Variants in WDR70 observed in about 807,000 individuals in gnomAD.
WDR70 encodes the protein WD repeat domain 70.
Under a neutral mutation model 88.6 loss-of-function variants are expected in WDR70, and 53 were observed. The ratio of observed to expected loss-of-function variants is 0.60; its 90% CI spans 0.48 to 0.75. The LOEUF (loss-of-function observed/expected upper bound fraction) is 0.75, where lower values mean the gene tolerates loss of function less well. WDR70 is among the 30% of genes least tolerant of loss of function. The probability of loss-of-function intolerance (pLI) is 0.00; values close to 1 mark genes in which losing one functional copy is unlikely to be tolerated. For missense variants in WDR70, 610 were observed against 823.2 expected (o/e 0.74, Z 3.17); for synonymous variants, 280 against 270.0 (o/e 1.04, Z -0.36).
chr5:37,609,378 C>A (rs1370036885), intron 10 of WDR70, among the ~76,000 whole-genome samples: 1 of 152,154 alleles, frequency 6.6e-6, no homozygotes, highest in Admixed American at 6.5e-5. Context: ...CAGATTTATT[C>A]TTTGACTTTG....
chr5:37,663,708 A>G (rs904297435), intron 10 of WDR70, among the ~76,000 whole-genome samples: 1 of 152,054 alleles, frequency 6.6e-6, no homozygotes, highest in African/African-American at 2.4e-5. Context: ...GTGCCCTTGT[A>G]TGTATCTCTG....
At chr5:37,563,464 G>A (rs1742603219) in intron 9 of WDR70, among the ~76,000 whole-genome samples, 1 of 58,612 alleles carries the variant, frequency 1.7e-5, no homozygotes, top group Non-Finnish European at 4.2e-5. Flanking sequence ...CGGGGCGGCT[G>A]GCCGGGCAGA....
intron 10 of WDR70, among the ~76,000 whole-genome samples, chr5:37,671,625 G>T (rs1561061518): frequency 6.6e-6 from 1 of 152,068 alleles, no homozygotes; most frequent in African/African-American, 2.4e-5. Flanking sequence ...CTTTGAAATA[G>T]TTTTTTCCAC....
intron 13 of WDR70, among the ~76,000 whole-genome samples, chr5:37,704,052 CT>C (rs1747247480): frequency 6.6e-6 from 1 of 152,072 alleles, no homozygotes; most frequent in East Asian, 1.9e-4. Flanking sequence ...ACTATGAAGT[CT>C]TAATTTGCGG....
rs183227806 is a variant in WDR70 at position 37,594,991 on chromosome 5, T to G, written c.918-10073T>G. On this transcript the variant is annotated intron_variant, in intron 9 of 17. Transcript: ENST00000265107. ...CTTGTGATTTTTGCACATTGATTTTTTATCCTGAGACTTTGCTGAAGTTGC... is the reference window on the plus strand; with the variant it reads ...CTTGTGATTTTTGCACATTGATTTTGTATCCTGAGACTTTGCTGAAGTTGC... Among the ~76,000 whole-genome samples the G allele has an allele frequency of 1.7e-3, 255 of 152,256 alleles. 1 individual carries two copies. The highest frequency in any genetic ancestry group is 5.8e-3 in the African/African-American group (240 of 41,552).
At chr5:37,720,307 G>T (rs997431766) in intron 13 of WDR70, among the ~76,000 whole-genome samples, 5 of 151,932 alleles carry the variant, frequency 3.3e-5, no homozygotes, top group African/African-American at 1.2e-4. Flanking sequence ...CTAGTACATG[G>T]GGTTTCTGTT....
chr5:37,492,173 A>T (rs1241908855), intron 8 of WDR70, among the ~76,000 whole-genome samples: 1 of 152,194 alleles, frequency 6.6e-6, no homozygotes, highest in Non-Finnish European at 1.5e-5. Flanking sequence ...AGGGAGATAA[A>T]CCAATCCAAA....
intron 7 of WDR70, 24 bp from the exon 8 acceptor site, chr5:37,479,810 A>G: frequency 6.3e-7 from 1 of 1,598,212 alleles, no homozygotes; most frequent in Non-Finnish European, 8.5e-7. Flanking sequence ...GTATCTTACC[A>G]ACTTTCCTTT....
At chr5:37,678,019 T>C (rs1435967775) in intron 10 of WDR70, among the ~76,000 whole-genome samples, 1 of 152,190 alleles carries the variant, frequency 6.6e-6, no homozygotes, top group African/African-American at 2.4e-5. Context: ...CTTTGTTGGT[T>C]TAATGTCTGT....
intron 5 of WDR70, among the ~76,000 whole-genome samples, chr5:37,401,727 G>A (rs1749201278): frequency 6.6e-6 from 1 of 152,106 alleles, no homozygotes. Context: ...CAAAGTGTTG[G>A]TATTACAGAC....
intron 10 of WDR70, among the ~76,000 whole-genome samples, chr5:37,675,662 T>TA (rs1746182023): frequency 6.6e-6 from 1 of 152,170 alleles, no homozygotes; most frequent in Non-Finnish European, 1.5e-5. Context: ...TGAAGTCAGG[T>TA]AGCGTGATGC....
At chr5:37,552,543 T>G (rs969936442) in intron 9 of WDR70, among the ~76,000 whole-genome samples, 1 of 152,206 alleles carries the variant, frequency 6.6e-6, no homozygotes, top group African/African-American at 2.4e-5. Context: ...GTGGATAGCA[T>G]AAAAGTAGTT....
At chr5:37,686,098 G>A (rs938913390) in intron 10 of WDR70, among the ~76,000 whole-genome samples, 2 of 152,000 alleles carry the variant, frequency 1.3e-5, no homozygotes, top group Admixed American at 6.6e-5. Context: ...GAGCCCAGGA[G>A]TTCATGACCA....
intron 11 of WDR70, chr5:37,700,560 C>T (rs1747127104): frequency 6.6e-6 from 1 of 152,660 alleles, no homozygotes; most frequent in Non-Finnish European, 1.5e-5. Context: ...AATCACATGG[C>T]TCACCCTTAT....
At chr5:37,395,005 G>A (rs866931024) in intron 4 of WDR70, among the ~76,000 whole-genome samples, 11 of 152,288 alleles carry the variant, frequency 7.2e-5, no homozygotes, top group Middle Eastern at 3.4e-3. Context: ...TGTTATAGGT[G>A]AAGCATTTTT....
chr5:37,664,623 C>A (rs1351702106), intron 10 of WDR70, among the ~76,000 whole-genome samples: 4 of 152,270 alleles, frequency 2.6e-5, no homozygotes, highest in East Asian at 3.9e-4. Context: ...TTTTACTATA[C>A]AGTTTATGGA....
At chr5:37,472,227 A>G (rs1258158522) in intron 7 of WDR70, among the ~76,000 whole-genome samples, 1 of 152,036 alleles carries the variant, frequency 6.6e-6, no homozygotes. Context: ...TTGCATAAGT[A>G]TCACTGAAAA....
chr5:37,561,037 C>T (rs1428584638), intron 9 of WDR70, among the ~76,000 whole-genome samples: 1 of 151,762 alleles, frequency 6.6e-6, no homozygotes, highest in African/African-American at 2.4e-5. Flanking sequence ...ACACCTATGA[C>T]TGGCAGGTTC....
intron 6 of WDR70, among the ~76,000 whole-genome samples, chr5:37,439,660 C>T (rs977841251): frequency 3.7e-4 from 44 of 119,796 alleles, no homozygotes; most frequent in Admixed American, 3.5e-3. Flanking sequence ...TGCCTTTGTT[C>T]TACATGCAAA....
Sources: gnomAD v4.1 joint callset for allele counts (sites outside exome capture counted in the v4.1 genomes callset) on GRCh38, gnomAD v4.1.1 for gene constraint, MANE v1.5 for transcripts, NCBI Gene and HGNC (gene_info 2026-07-23, HGNC 2026-07-21) for gene names.